PARD3B: variants seen among roughly 807,000 people sequenced by gnomAD.
PARD3B encodes par-3 family cell polarity regulator beta, also known as partitioning defective 3 homolog B.
Under a neutral mutation model 130.2 loss-of-function variants are expected in PARD3B, and 103 were observed. The ratio of observed to expected loss-of-function variants is 0.79; its 90% CI spans 0.67 to 0.93. PARD3B has a LOEUF of 0.93. Among genes scored for constraint, PARD3B ranks in the 40% least tolerant of loss-of-function variants. PARD3B has a pLI of 0.00. For missense variants in PARD3B, 1,609 were observed against 1,499.2 expected (o/e 1.07, Z -1.21); for synonymous variants, 583 against 553.2 (o/e 1.05, Z -0.76).
chr2:204,783,009 A>C (rs746922400), intron 2 of PARD3B, among the ~76,000 whole-genome samples: 17 of 151,860 alleles, frequency 1.1e-4, no homozygotes, highest in Non-Finnish European at 2.2e-4. Flanking sequence ...TGTTCTATCT[A>C]CCTGTTGTAT....
At chr2:204,944,906 GGAGT>G (rs1006050304) in intron 2 of PARD3B, among the ~76,000 whole-genome samples, 1 of 152,146 alleles carries the variant, frequency 6.6e-6, no homozygotes, top group African/African-American at 2.4e-5. Context: ...CAAATTTGGG[GGAGT>G]GAGAGAAAAA....
intron 2 of PARD3B, among the ~76,000 whole-genome samples, chr2:204,816,976 A>G (rs1055268529): frequency 6.6e-5 from 10 of 151,856 alleles, no homozygotes; most frequent in African/African-American, 2.2e-4. Context: ...GTCTAGGCTC[A>G]CTCATCTTTT....
At position 205,122,502 on chromosome 2, in the gene PARD3B, C is replaced by T. The variant is rs1254217455; in HGVS notation, c.1165+553C>T. Among the ~76,000 whole-genome samples, 1 of 152,182 alleles carries T rather than the reference C, an allele frequency of 6.6e-6. No individual in the cohort carries two copies. The highest frequency in any genetic ancestry group is 1.5e-5 in the Non-Finnish European group (1 of 68,044). ...TTTCAACTTTTCTATCCATTTCAAG[C>T]ACAGATCAGTGAGAAGAGATCATGT... On this transcript the variant is annotated intron_variant, in intron 8 of 22. Transcript: ENST00000406610. This position sits in a 1 kb window ranked among gnomAD's most constrained non-coding sequence, Gnocchi z 4.3.
intron 3 of PARD3B, among the ~76,000 whole-genome samples, chr2:204,980,589 G>A (rs576678175): frequency 6.6e-6 from 1 of 152,300 alleles, no homozygotes; most frequent in African/African-American, 2.4e-5. Flanking sequence ...GCATAATTCA[G>A]CTGATACCAT....
At chr2:204,817,159 T>A (rs945005634) in intron 2 of PARD3B, among the ~76,000 whole-genome samples, 1 of 152,152 alleles carries the variant, frequency 6.6e-6, no homozygotes, top group African/African-American at 2.4e-5. Context: ...CCTTGTCTAC[T>A]AATTCTCACA....
Position 205,617,642 on chromosome 2 carries a change from C to G in PARD3B, c.*1829C>G, listed in dbSNP as rs2055476786. On this transcript the variant is annotated 3_prime_UTR_variant, in exon 23 of 23. Transcript: ENST00000406610. Reference sequence around the variant, plus strand: ...GTTTTTTGTCTCTGTTCTGTCATCTCTCTTAAGCCAGGCACCTTTAGAGTG... The same window carrying G: ...GTTTTTTGTCTCTGTTCTGTCATCTGTCTTAAGCCAGGCACCTTTAGAGTG... The G allele has an allele frequency of 6.6e-6, 1 of 152,172 alleles. No homozygotes were observed. The highest frequency in any genetic ancestry group is 2.4e-5 in the African/African-American group (1 of 41,444). The allele number at this position is 152,172 out of a possible 1,614,324, so 9.4% of individuals were successfully genotyped here. A position where few individuals can be genotyped will look rare whatever the true frequency, so the allele number is the denominator to read the frequency against.
intron 2 of PARD3B, among the ~76,000 whole-genome samples, chr2:204,902,562 G>C (rs942476188): frequency 6.6e-6 from 1 of 151,442 alleles, no homozygotes; most frequent in Admixed American, 6.6e-5. Context: ...CCAGCTGCTC[G>C]GGAGGCTGAG....
At chr2:205,313,848 G>A (rs1217272519) in intron 18 of PARD3B, among the ~76,000 whole-genome samples, 1 of 152,174 alleles carries the variant, frequency 6.6e-6, no homozygotes, top group East Asian at 1.9e-4. Flanking sequence ...AGGCACTAAG[G>A]TAGAAGATAC....
chr2:205,245,671 G>T (rs1297646992), intron 15 of PARD3B, 107 bp from the exon 16 acceptor site: 3 of 848,004 alleles, frequency 3.5e-6, no homozygotes, highest in Non-Finnish European at 5.5e-6. Context: ...TCAAATCTCT[G>T]CCAGTAAAAG....
chr2:204,559,617 G>A (rs994045644), intron 1 of PARD3B, among the ~76,000 whole-genome samples: 2 of 152,198 alleles, frequency 1.3e-5, no homozygotes, highest in Admixed American at 6.5e-5. Context: ...AACCATTTTG[G>A]AAGACAGTGT....
At chr2:205,262,087 T>C (rs1205540300) in intron 16 of PARD3B, among the ~76,000 whole-genome samples, 1 of 152,180 alleles carries the variant, frequency 6.6e-6, no homozygotes, top group Non-Finnish European at 1.5e-5. Context: ...GATATCCTGA[T>C]ACTTTCATGG....
chr2:204,685,815 T>C (rs964594434), intron 1 of PARD3B, among the ~76,000 whole-genome samples: 1 of 152,188 alleles, frequency 6.6e-6, no homozygotes, highest in African/African-American at 2.4e-5. Context: ...GTTTGGACTT[T>C]TATTCCTAGT....
intron 18 of PARD3B, among the ~76,000 whole-genome samples, chr2:205,377,100 C>G (rs142323629): frequency 9.2e-5 from 14 of 152,244 alleles, no homozygotes; most frequent in African/African-American, 2.9e-4. Flanking sequence ...TTAGAGTTAG[C>G]TGGGAGAATG....
intron 1 of PARD3B, among the ~76,000 whole-genome samples, chr2:204,619,637 C>A (rs2034228120): frequency 6.6e-6 from 1 of 152,124 alleles, no homozygotes; most frequent in Admixed American, 6.6e-5. Flanking sequence ...AAGCTCCCAT[C>A]AGAATATGAC....
intron 2 of PARD3B, among the ~76,000 whole-genome samples, chr2:204,786,455 C>A (rs1019738432): frequency 6.6e-6 from 1 of 151,994 alleles, no homozygotes; most frequent in African/African-American, 2.4e-5. Flanking sequence ...TGAATTACTG[C>A]AGCCCGGAGC....
intron 18 of PARD3B, among the ~76,000 whole-genome samples, chr2:205,316,518 G>A (rs745556827): frequency 9.2e-5 from 14 of 152,100 alleles, no homozygotes; most frequent in Non-Finnish European, 1.3e-4. Context: ...TATCTATTAA[G>A]CACTACTCTC....
intron 2 of PARD3B, among the ~76,000 whole-genome samples, chr2:204,783,007 C>A (rs190606922): frequency 6.6e-6 from 1 of 152,144 alleles, no homozygotes; most frequent in Non-Finnish European, 1.5e-5. Context: ...TCTGTTCTAT[C>A]TACCTGTTGT....
intron 18 of PARD3B, among the ~76,000 whole-genome samples, chr2:205,332,998 GAGT>G (rs1448017393): frequency 1.3e-5 from 2 of 152,134 alleles, no homozygotes; most frequent in Non-Finnish European, 2.9e-5. Context: ...TTAATTTAAT[GAGT>G]AGTAAACAGA....
chr2:205,199,468 C>T (rs545925749), intron 15 of PARD3B, among the ~76,000 whole-genome samples: 4 of 151,880 alleles, frequency 2.6e-5, no homozygotes, highest in South Asian at 2.1e-4. Context: ...TGTGTATATA[C>T]ACATACACAC....
Sources: gnomAD v4.1 joint callset for allele counts (sites outside exome capture counted in the v4.1 genomes callset) on GRCh38, gnomAD v4.1.1 for gene constraint, Gnocchi (gnomAD v3.1) non-coding constraint, MANE v1.5 for transcripts, NCBI Gene and HGNC (gene_info 2026-07-23, HGNC 2026-07-21) for gene names.